EML4: variants seen among roughly 807,000 people sequenced by gnomAD.
The protein encoded by EML4 is EMAP like 4.
Under a neutral mutation model 129.0 loss-of-function variants are expected in EML4, and 72 were observed. The observed-to-expected ratio is 0.56, with a 90% CI of 0.46 to 0.68. EML4 has a LOEUF of 0.68. Among genes scored for constraint, EML4 ranks in the 30% least tolerant of loss-of-function variants. The pLI is 0.00. For missense variants in EML4, 1,363 were observed against 1,190.6 expected, an observed-to-expected ratio of 1.14 and a Z score of -2.13; for synonymous variants, 532 against 405.0, an observed-to-expected ratio of 1.31 and a Z score of -3.77.
rs369739234 is a variant in EML4 at position 42,194,347 on chromosome 2, C to CTCTT, written c.25+24712_25+24713insCTTT. On this transcript the variant is annotated intron_variant, in intron 1 of 22. Transcript: ENST00000318522. ...CTGTATTTTTCACTTCTCTCTCTCTCTTTTTTTTTTTTTTGCACTGGATAA... is the reference window on the plus strand; with the variant it reads ...CTGTATTTTTCACTTCTCTCTCTCTCTCTTTTTTTTTTTTTTTTGCACTGGATAA... Among the ~76,000 whole-genome samples the CTCTT allele has an allele frequency of 4.7e-5, 6 of 126,822 alleles. No individual in the cohort carries two copies. The East Asian group carries it at 1.4e-3, about 29-fold the overall frequency. 83.2% of individuals were successfully genotyped at this position (126,822 alleles called of 152,430 possible).
intron 1 of EML4, among the ~76,000 whole-genome samples, chr2:42,187,734 C>T (rs1368264123): frequency 6.6e-6 from 1 of 152,010 alleles, no homozygotes; most frequent in Non-Finnish European, 1.5e-5. Flanking sequence ...GGTACAAGTC[C>T]TTTATAAAAA....
intron 2 of EML4, among the ~76,000 whole-genome samples, chr2:42,251,184 G>A: frequency 6.6e-6 from 1 of 152,186 alleles, no homozygotes; most frequent in East Asian, 1.9e-4. Flanking sequence ...GGGACCCCTG[G>A]TATAGTCTGT....
chr2:42,279,022 A>C (rs1366023157), intron 6 of EML4, among the ~76,000 whole-genome samples: 1 of 152,080 alleles, frequency 6.6e-6, no homozygotes, highest in Non-Finnish European at 1.5e-5. Context: ...ATAAACACCT[A>C]TTGGTTTATG....
intron 6 of EML4, among the ~76,000 whole-genome samples, chr2:42,267,063 A>G (rs1213343236): frequency 8.5e-5 from 13 of 152,204 alleles, no homozygotes; most frequent in African/African-American, 3.1e-4. Flanking sequence ...TGGTTTTACC[A>G]TTGACTTAGC....
chr2:42,181,392 G>T (rs561678213), intron 1 of EML4, among the ~76,000 whole-genome samples: 1 of 151,982 alleles, frequency 6.6e-6, no homozygotes. Context: ...TCCACCTCCC[G>T]GACTCAAGCG....
At chr2:42,229,854 G>A (rs1285563456) in intron 1 of EML4, among the ~76,000 whole-genome samples, 3 of 151,958 alleles carry the variant, frequency 2.0e-5, no homozygotes, top group African/African-American at 4.8e-5. Flanking sequence ...TCATATCCTG[G>A]CAGAGGGGAA....
intron 1 of EML4, among the ~76,000 whole-genome samples, chr2:42,228,551 T>C (rs1205401528): frequency 6.6e-6 from 1 of 152,216 alleles, no homozygotes; most frequent in East Asian, 1.9e-4. Context: ...AGGTATAGCT[T>C]TGCTTGTAAT....
At chr2:42,192,448 C>T (rs908051367) in intron 1 of EML4, among the ~76,000 whole-genome samples, 96 of 152,102 alleles carry the variant, frequency 6.3e-4, no homozygotes, top group Non-Finnish European at 1.6e-4. Context: ...CCACGTTGGC[C>T]GGACTGGTCT....
chr2:42,308,738 A>G (rs1332487718), intron 17 of EML4, among the ~76,000 whole-genome samples: 1 of 152,098 alleles, frequency 6.6e-6, no homozygotes, highest in African/African-American at 2.4e-5. Flanking sequence ...GTCATTCCCC[A>G]TGACCCCACC....
chr2:42,203,068 A>G (rs987554105), intron 1 of EML4, among the ~76,000 whole-genome samples: 1 of 152,132 alleles, frequency 6.6e-6, no homozygotes, highest in Non-Finnish European at 1.5e-5. Context: ...ATATTTCAAA[A>G]TAGAATAGAA....
At chr2:42,228,306 G>T (rs2104171491) in intron 1 of EML4, among the ~76,000 whole-genome samples, 1 of 152,308 alleles carries the variant, frequency 6.6e-6, no homozygotes, top group South Asian at 2.1e-4. Context: ...AAATGAGTGG[G>T]TGGTCAGCAC....
At chr2:42,301,042 C>A (rs1247791875) in intron 13 of EML4, among the ~76,000 whole-genome samples, 199 bp from the exon 14 acceptor site, 1 of 152,076 alleles carries the variant, frequency 6.6e-6, no homozygotes, top group East Asian at 1.9e-4. Context: ...TAAATATTGA[C>A]AGAAATGCAA....
chr2:42,323,712 T>A (rs1134697), intron 19 of EML4, among the ~76,000 whole-genome samples: 28 of 150,142 alleles, frequency 1.9e-4, no homozygotes, highest in African/African-American at 6.9e-4. Flanking sequence ...GGCAAGTGGA[T>A]AACTTCAGGT....
In EML4 at chr2:42,217,579, C is replaced by T. The variant is rs368679561; in HGVS notation, c.26-27926C>T. 6.6e-5 allele frequency among the ~76,000 whole-genome samples: 10 copies of T among 152,240 alleles called. No homozygotes were observed. In the South Asian group the frequency reaches 8.3e-4, roughly 13 times the overall value. ...GTTATTTACATAATGCAGACTTAAA[C>T]GTAGAGTTTTCTTTGTGGAATACTG... On this transcript the variant is annotated intron_variant, in intron 1 of 22. Transcript: ENST00000318522.
At chr2:42,233,039 A>G (rs1674446337) in intron 1 of EML4, among the ~76,000 whole-genome samples, 1 of 152,024 alleles carries the variant, frequency 6.6e-6, no homozygotes, top group Non-Finnish European at 1.5e-5. Flanking sequence ...GCCTTTTGTA[A>G]GTATTAATCT....
In EML4 at chr2:42,331,233, A is replaced by G. The variant is rs1341245376; in HGVS notation, c.*1026A>G. The G allele has an allele frequency of 9.0e-6, 2 of 221,300 alleles. No homozygotes were observed. The highest frequency in any genetic ancestry group is 2.2e-5 in the African/African-American group (1 of 44,694). 13.7% of individuals were successfully genotyped at this position (221,300 alleles called of 1,614,324 possible). On this transcript the variant is annotated 3_prime_UTR_variant, in exon 23 of 23. Coordinates refer to ENST00000318522, the MANE Select transcript of EML4 (RefSeq NM_019063.5). ...GGATAAGATACTCATCAAATTGCAA[A>G]TTCTTTTTTTTACAGAAGTGTGGGT...
chr2:42,305,659 T>G (rs528448768), intron 17 of EML4, among the ~76,000 whole-genome samples: 1 of 152,320 alleles, frequency 6.6e-6, no homozygotes, highest in Admixed American at 6.5e-5. Flanking sequence ...TGACTCAACT[T>G]TATTGCCTCT....
rs774679390 is a variant in EML4, at chr2:42,325,578, T to C, written c.2242+24T>C. ...CTGTAAGTATGAATGATTTTATATATATATATATATGCTATGATTATATTT... is the reference window on the plus strand; with the variant it reads ...CTGTAAGTATGAATGATTTTATATACATATATATATGCTATGATTATATTT... On this transcript the variant is annotated intron_variant, in intron 20 of 22. Coordinates refer to ENST00000318522, the MANE Select transcript of EML4 (RefSeq NM_019063.5). The C allele has an allele frequency of 1.1e-5, 5 of 469,648 alleles. No individual in the cohort carries two copies. In the Admixed American group the frequency reaches 1.9e-4, roughly 18 times the overall value. The allele number at this position is 469,648 out of a possible 1,614,324, so 29.1% of individuals were successfully genotyped here. A position where few individuals can be genotyped will look rare whatever the true frequency, so the allele number is the denominator to read the frequency against.
intron 6 of EML4, among the ~76,000 whole-genome samples, chr2:42,273,351 A>C (rs1412190930): frequency 6.6e-6 from 1 of 152,182 alleles, no homozygotes. Flanking sequence ...AAGCAGTAAA[A>C]ATAATCTAAA....
Sources: allele counts gnomAD v4.1 joint callset (sites outside exome capture counted in the v4.1 genomes callset), GRCh38; gene constraint gnomAD v4.1.1; transcripts MANE v1.5; gene names NCBI Gene and HGNC (gene_info 2026-07-23, HGNC 2026-07-21).